The following ESRRG variants were observed in gnomAD, a reference collection of about 807,000 sequenced individuals.
The protein encoded by ESRRG is estrogen related receptor gamma.
ESRRG carries 13 observed loss-of-function variants against 44.0 expected under a neutral mutation model. The ratio of observed to expected loss-of-function variants is 0.30; its 90% CI spans 0.19 to 0.47. The LOEUF (loss-of-function observed/expected upper bound fraction) is 0.47, where lower values mean the gene tolerates loss of function less well. Among genes scored for constraint, ESRRG ranks in the 20% least tolerant of loss-of-function variants. The pLI, the probability that ESRRG is intolerant of heterozygous loss-of-function variation, is 1.00. For missense variants in ESRRG, 395 were observed against 580.6 expected (o/e 0.68, Z 3.29); for synonymous variants, 215 against 214.6 (o/e 1.00, Z -0.02).
rs77388971 is a variant in ESRRG, at chr1:216,866,895, T to C, written c.-14+72687A>G. Among the ~76,000 whole-genome samples, 7 of 152,338 alleles carry C rather than the reference T, an allele frequency of 4.6e-5. No homozygotes were observed. The East Asian group carries it at 1.3e-3, about 29-fold the overall frequency. On this transcript the variant is annotated intron_variant, in intron 2 of 7. Coordinates refer to the ESRRG transcript ENST00000359162. ...AAAGAGAGTATAAAGTAATCTCTCT[T>C]CTTTATTTTCTGCTACATAGACAGT...
intron 5 of ESRRG, among the ~76,000 whole-genome samples, chr1:216,524,880 G>T (rs1018291092): frequency 1.3e-5 from 2 of 152,140 alleles, no homozygotes; most frequent in African/African-American, 4.8e-5. Context: ...TAAAAGAGAG[G>T]AGAACAGAAA....
At chr1:216,592,495 T>C (rs2057822978) in intron 3 of ESRRG, among the ~76,000 whole-genome samples, 1 of 152,156 alleles carries the variant, frequency 6.6e-6, no homozygotes, top group South Asian at 2.1e-4. Flanking sequence ...GATGGTGCTG[T>C]CATCTATCTT....
chr1:216,572,752 T>C (rs756866964), intron 3 of ESRRG, among the ~76,000 whole-genome samples: 12 of 152,004 alleles, frequency 7.9e-5, no homozygotes, highest in Non-Finnish European at 1.5e-4. Flanking sequence ...AAAGCAAATT[T>C]TATAGTGATA....
intron 1 of ESRRG, chr1:217,000,692 C>G (rs898815588): frequency 6.6e-6 from 1 of 152,180 alleles, no homozygotes; most frequent in Non-Finnish European, 1.5e-5. Flanking sequence ...GTTGCACTAA[C>G]TCCAAGTGAA....
intron 2 of ESRRG, among the ~76,000 whole-genome samples, chr1:216,841,188 A>ATT (rs144922509): frequency 8.6e-5 from 13 of 150,660 alleles, no homozygotes; most frequent in African/African-American, 2.9e-4. Flanking sequence ...TTAAAATAGA[A>ATT]TTTTTTTTTT....
intron 1 of ESRRG, among the ~76,000 whole-genome samples, chr1:216,964,818 G>A (rs536630870): frequency 6.6e-6 from 1 of 151,704 alleles, no homozygotes; most frequent in African/African-American, 2.4e-5. Flanking sequence ...AAGATATAAC[G>A]TTATTTTACA....
At chr1:216,947,923 A>G (rs934395102) in intron 1 of ESRRG, among the ~76,000 whole-genome samples, 1 of 152,000 alleles carries the variant, frequency 6.6e-6, no homozygotes, top group African/African-American at 2.4e-5. Flanking sequence ...CCCTCCCCCA[A>G]ACAATATCCC....
intron 3 of ESRRG, among the ~76,000 whole-genome samples, chr1:216,584,958 A>T (rs2063492413): frequency 6.6e-6 from 1 of 152,250 alleles, no homozygotes; most frequent in Admixed American, 6.5e-5. Flanking sequence ...ATAGGGCCAA[A>T]GTTATTCAAT....
At position 216,997,581 on chromosome 1, in the gene ESRRG, GT is replaced by G. The variant is rs1462592776; in HGVS notation, c.-105-57909del. Among the ~76,000 whole-genome samples the G allele has an allele frequency of 2.6e-5, 4 of 152,284 alleles. No individual in the cohort carries two copies. In the East Asian group the frequency reaches 7.7e-4, roughly 29 times the overall value. ...TGAGTTGTTACATTATAGATTCTCTGTAACAAAGTCTCTTTACTATTTTACA... is the reference window on the plus strand; with the variant it reads ...TGAGTTGTTACATTATAGATTCTCTGAACAAAGTCTCTTTACTATTTTACA... On this transcript the variant is annotated intron_variant, in intron 1 of 7. Transcript: ENST00000359162.
At chr1:216,649,287 G>A (rs975678348) in intron 3 of ESRRG, among the ~76,000 whole-genome samples, 4 of 152,044 alleles carry the variant, frequency 2.6e-5, no homozygotes, top group African/African-American at 4.8e-5. Context: ...GATTACAAAC[G>A]TAAAACATGT....
chr1:216,667,517 C>T (rs2074191229), intron 2 of ESRRG, among the ~76,000 whole-genome samples: 1 of 151,588 alleles, frequency 6.6e-6, no homozygotes, highest in African/African-American at 2.4e-5. Flanking sequence ...GAAACCCTGT[C>T]TCTACTAAAA....
At chr1:217,103,073 G>C (rs756286363) in intron 1 of ESRRG, among the ~76,000 whole-genome samples, 1 of 152,172 alleles carries the variant, frequency 6.6e-6, no homozygotes, top group Non-Finnish European at 1.5e-5. Context: ...GTGTCAAAGG[G>C]GTTTAGGTAC....
chr1:216,736,605 G>T (rs1438029944), intron 2 of ESRRG, among the ~76,000 whole-genome samples: 1 of 152,158 alleles, frequency 6.6e-6, no homozygotes, highest in East Asian at 1.9e-4. Flanking sequence ...AGAGTTGGTA[G>T]AAAGAACAGT....
intron 5 of ESRRG, among the ~76,000 whole-genome samples, chr1:216,547,423 C>T (rs1349030970): frequency 6.6e-6 from 1 of 151,872 alleles, no homozygotes; most frequent in Non-Finnish European, 1.5e-5. Context: ...TCACTGCTAA[C>T]AAAAAAGTCT....
chr1:216,795,482 A>G (rs1349782452), intron 2 of ESRRG, among the ~76,000 whole-genome samples: 1 of 151,238 alleles, frequency 6.6e-6, no homozygotes, highest in East Asian at 2.0e-4. Context: ...CTGGGATTAC[A>G]GGCATGTGCC....
In ESRRG at chr1:216,675,837, A is replaced by C. The variant is rs144566605; in HGVS notation, c.472+1239T>G. Among the ~76,000 whole-genome samples, 17 of 152,238 alleles carry C rather than the reference A, an allele frequency of 1.1e-4. No homozygotes were observed. In the East Asian group the frequency reaches 1.4e-3, roughly 12 times the overall value. On this transcript the variant is annotated intron_variant, in intron 2 of 6. Coordinates refer to ENST00000408911, the MANE Select transcript of ESRRG (RefSeq NM_001438.4). ...ACACAGTACAGTGCAGTGTTTCTTAACTTTGCCTTTACATTAAGCATCACC... is the reference window on the plus strand; with the variant it reads ...ACACAGTACAGTGCAGTGTTTCTTACCTTTGCCTTTACATTAAGCATCACC...
intron 2 of ESRRG, among the ~76,000 whole-genome samples, chr1:216,765,486 C>T (rs2093028953): frequency 6.6e-6 from 1 of 152,074 alleles, no homozygotes; most frequent in African/African-American, 2.4e-5. Flanking sequence ...TTACAGCTAG[C>T]TAGCAGGAAG....
rs1314182640 is a variant in ESRRG, at chr1:216,575,972, A to G, written c.590-7874T>C. Among the ~76,000 whole-genome samples, 3 of 152,164 alleles carry G rather than the reference A, an allele frequency of 2.0e-5. No individual in the cohort carries two copies. The East Asian group carries it at 5.8e-4, about 29-fold the overall frequency. ...ACCTTTAAAAGTTCACAGCTATGAG[A>G]TTGTGAACAAACCAAAAGTGATAAA... is the stretch of plus-strand genomic sequence containing the variant. On this transcript the variant is annotated intron_variant, in intron 3 of 6. Coordinates refer to ENST00000408911, the MANE Select transcript of ESRRG (RefSeq NM_001438.4).
chr1:216,966,946 C>A (rs1002908165), intron 1 of ESRRG, among the ~76,000 whole-genome samples: 1 of 152,172 alleles, frequency 6.6e-6, no homozygotes, highest in Non-Finnish European at 1.5e-5. Flanking sequence ...GCCCTACTTG[C>A]ATCTCATGCC....
Sources: allele counts gnomAD v4.1 joint callset (sites outside exome capture counted in the v4.1 genomes callset), GRCh38; gene constraint gnomAD v4.1.1; transcripts MANE v1.5; gene names NCBI Gene and HGNC (gene_info 2026-07-23, HGNC 2026-07-21).